The following PEX10 variants were observed in gnomAD, a reference collection of about 807,000 sequenced individuals.
The protein encoded by PEX10 is peroxisome biogenesis factor 10.
A neutral mutation model predicts 38.0 loss-of-function variants in PEX10; 32 were observed. That is an observed-to-expected ratio of 0.84 (90% CI 0.63 to 1.13). PEX10 has a LOEUF of 1.13. PEX10 is among the 50% of genes most tolerant of loss of function. PEX10 has a pLI of 0.00. For synonymous variants in PEX10, 206 were observed against 207.3 expected (o/e 0.99, Z 0.05); for missense variants, 483 against 457.7 (o/e 1.06, Z -0.51).
chr1:2,408,100 C>T (rs1456569784), intron 3 of PEX10, among the ~76,000 whole-genome samples: 1 of 152,126 alleles, frequency 6.6e-6, no homozygotes, highest in African/African-American at 2.4e-5. Flanking sequence ...TTCCCCACAG[C>T]AGTGACATAG....
At position 2,410,718 on chromosome 1, in the gene PEX10, CCT is replaced by C. The variant is rs1557912137; in HGVS notation, c.113-269_113-268del. 3.4e-5 allele frequency: 19 copies of C among 559,530 alleles called. No homozygotes were observed. The highest frequency in any genetic ancestry group is 3.0e-4 in the East Asian group (7 of 23,304). The allele number at this position is 559,530 out of a possible 1,614,324, so 34.7% of individuals were successfully genotyped here. A position where few individuals can be genotyped will look rare whatever the true frequency, so the allele number is the denominator to read the frequency against. ...ATTCCCCTGAGCAACTGTTCTAGGG[CCT>C]ATGAGGGCCACATGGAAAGATGGTC... On this transcript the variant is annotated intron_variant, in intron 1 of 5. Transcript: ENST00000447513. This position sits in a 1 kb window ranked among gnomAD's most constrained non-coding sequence, Gnocchi z 5.1.
At chr1:2,408,068 A>G (rs1643067781) in intron 3 of PEX10, among the ~76,000 whole-genome samples, 1 of 152,068 alleles carries the variant, frequency 6.6e-6, no homozygotes, top group Non-Finnish European at 1.5e-5. Flanking sequence ...ATGCTCCCAC[A>G]CTGTCTGGGA....
Position 2,406,875 on chromosome 1 carries a change from G to T in PEX10, c.621C>A (p.Pro207=). ...TAACACGGGCCCTCAGGTCCTCTCC[G>T]GGCAGGCTGCGGACACGGAGCTGTA... ...GITYLRVRSL[P]GEDLRARVSY... The change falls in exon 4 of 6, where the codon CCC becomes CCA. Residue 207 remains proline (P), a synonymous_variant. Transcript: ENST00000447513. 2 of 1,609,240 alleles carry T rather than the reference G, an allele frequency of 1.2e-6. No individual in the cohort carries two copies. The highest frequency in any genetic ancestry group is 1.7e-6 in the Non-Finnish European group (2 of 1,178,156).
At position 2,405,727 on chromosome 1, in the gene PEX10, G is replaced by A. The variant is rs372022952; in HGVS notation, c.*39C>T. Reference sequence around the variant, plus strand: ...ACTAAATCTTGGCGTTCAGACTCCCGTAGAGGTCATCTGTGTCCAGGCCCA... The same window carrying A: ...ACTAAATCTTGGCGTTCAGACTCCCATAGAGGTCATCTGTGTCCAGGCCCA... On this transcript the variant is annotated 3_prime_UTR_variant, in exon 6 of 6. Transcript: ENST00000447513. 25 of 1,540,530 alleles carry A rather than the reference G, an allele frequency of 1.6e-5. No homozygotes were observed. The South Asian group carries it at 1.9e-4, about 12-fold the overall frequency.
At chr1:2,408,934 G>A (rs1049298036) in intron 2 of PEX10, 76 bp from the exon 3 acceptor site, 14 of 1,448,198 alleles carry the variant, frequency 9.7e-6, no homozygotes, top group Middle Eastern at 1.8e-4. Context: ...CCTGCCAGCC[G>A]ACCCTCTGCT....
chr1:2,406,747 C>G lies in PEX10; in HGVS notation c.749G>C (p.Arg250Thr), dbSNP rs372509245. The G allele has an allele frequency of 6.2e-7, 1 of 1,609,482 alleles. No individual in the cohort carries two copies. Among genetic ancestry groups the G allele is most frequent in the Non-Finnish European group, 8.5e-7 (1 of 1,178,612 alleles). The change falls in exon 4 of 6, where the codon AGG becomes ACG. Residue 250 changes from arginine to threonine, a missense_variant. Transcript: ENST00000447513. ...RQRQRARKEW[R>T]LHRGLSHRRA... is the part of the protein sequence containing the mutation. ...GCGGTGAGACAGGCCGCGGTGCAGC[C>G]TCCACTCCTTCCTGGCTCGCTGCCG...
Position 2,409,384 on chromosome 1 carries a change from A to G in PEX10, c.194-526T>C, listed in dbSNP as rs1453648985. Among the ~76,000 whole-genome samples the G allele has an allele frequency of 6.6e-6, 1 of 151,656 alleles. No individual in the cohort carries two copies. Among genetic ancestry groups the G allele is most frequent in the African/African-American group, 2.4e-5 (1 of 41,246 alleles). On this transcript the variant is annotated intron_variant, in intron 2 of 5. Transcript: ENST00000447513. The surrounding 1 kb of genome is among the most constrained non-coding windows in gnomAD (Gnocchi z 6.2). ...CAGCTTTCAGCGCCCCCACCCAGAA[A>G]AGCCTGCTCCCCGTTTCCATCTCTG...
rs1643133629 is a variant in PEX10 at position 2,409,917 on chromosome 1, A to G, written c.193+454T>C. 5.2e-6 allele frequency: 1 copy of G among 193,604 alleles called. No individual in the cohort carries two copies. Among genetic ancestry groups the G allele is most frequent in the Non-Finnish European group, 1.1e-5 (1 of 92,940 alleles). 12.0% of individuals were successfully genotyped at this position (193,604 alleles called of 1,614,324 possible). A position where few individuals can be genotyped will look rare whatever the true frequency, so the allele number is the denominator to read the frequency against. On this transcript the variant is annotated intron_variant, in intron 2 of 5. Coordinates refer to ENST00000447513, the MANE Select transcript of PEX10 (RefSeq NM_002617.4). The surrounding 1 kb of genome is among the most constrained non-coding windows in gnomAD (Gnocchi z 6.2). ...GCCCCTCGTAGGGAACCAGGCTGGC[A>G]CTCGGTGGTCCTTGCTACATGCTGA...
At chr1:2,407,638 A>C (rs998359129) in intron 3 of PEX10, among the ~76,000 whole-genome samples, 1 of 152,104 alleles carries the variant, frequency 6.6e-6, no homozygotes, top group Non-Finnish European at 1.5e-5. Context: ...TCAAATACGC[A>C]AGTGAGGCTG....
chr1:2,406,214 G>A (rs1483590474), intron 5 of PEX10, among the ~76,000 whole-genome samples: 1 of 152,192 alleles, frequency 6.6e-6, no homozygotes, highest in Non-Finnish European at 1.5e-5. Flanking sequence ...AGGGTGTGCT[G>A]GGATGCGTGG....
rs1643103245 is a variant in PEX10, at chr1:2,409,017, CCTT to C, written c.194-162_194-160del. On this transcript the variant is annotated intron_variant, in intron 2 of 5. Transcript: ENST00000447513. The surrounding 1 kb of genome is among the most constrained non-coding windows in gnomAD (Gnocchi z 6.2). ...CCCGTGCTGGCTGAGGCCAACATGA[CCTT>C]CTGTCGCTAAGCCCACTGTGAGCTC... 6.6e-6 allele frequency among the ~76,000 whole-genome samples: 1 copy of C among 152,180 alleles called. No individual in the cohort carries two copies. The highest frequency in any genetic ancestry group is 1.5e-5 in the Non-Finnish European group (1 of 68,030).
chr1:2,408,413 A>G (rs2100427610), intron 3 of PEX10, 39 bp downstream of exon 3: 1 of 1,610,534 alleles, frequency 6.2e-7, no homozygotes, highest in Non-Finnish European at 8.5e-7. Context: ...GGTGACAAGG[A>G]CGGCCTAAGC....
chr1:2,409,305 C>T lies in PEX10; in HGVS notation c.194-447G>A, dbSNP rs1461435022. 6.6e-6 allele frequency among the ~76,000 whole-genome samples: 1 copy of T among 152,216 alleles called. No individual in the cohort carries two copies. Among genetic ancestry groups the T allele is most frequent in the Non-Finnish European group, 1.5e-5 (1 of 68,030 alleles). Reference sequence around the variant, plus strand: ...GCCAGCCATGCAGGTCCGCCACCTACCTGACATCGCCATGTATGCTCAGAT... The same window carrying T: ...GCCAGCCATGCAGGTCCGCCACCTATCTGACATCGCCATGTATGCTCAGAT... On this transcript the variant is annotated intron_variant, in intron 2 of 5. Coordinates refer to ENST00000447513, the MANE Select transcript of PEX10 (RefSeq NM_002617.4). This position sits in a 1 kb window ranked among gnomAD's most constrained non-coding sequence, Gnocchi z 6.2.
chr1:2,409,527 T>C lies in PEX10; in HGVS notation c.194-669A>G, dbSNP rs1643117367. 6.6e-6 allele frequency among the ~76,000 whole-genome samples: 1 copy of C among 152,274 alleles called. No individual in the cohort carries two copies. The highest frequency in any genetic ancestry group is 2.4e-5 in the African/African-American group (1 of 41,562). ...CCCCTGCTCTGTACCACCACCATCC[T>C]GTGGGGGACTGTCACAGCCTCTGTA... On this transcript the variant is annotated intron_variant, in intron 2 of 5. Transcript: ENST00000447513. This position sits in a 1 kb window ranked among gnomAD's most constrained non-coding sequence, Gnocchi z 6.2.
chr1:2,411,930 T>C (rs1333912840), intron 1 of PEX10, among the ~76,000 whole-genome samples: 1 of 152,244 alleles, frequency 6.6e-6, no homozygotes, highest in Non-Finnish European at 1.5e-5. Context: ...GGGCTGCTGC[T>C]CAGGCCTAGG....
chr1:2,411,230 CTTTTTTT>C (rs140273455), intron 1 of PEX10, among the ~76,000 whole-genome samples: 2,556 of 114,010 alleles, frequency 0.022, 26 homozygotes, highest in Non-Finnish European at 0.033. Context: ...ATGGCTTTGC[CTTTTTTT>C]TTTTTTTTTT....
Position 2,406,779 on chromosome 1 carries a change from G to A in PEX10, c.717C>T (p.Phe239=). ...VLSMGLQLYG[F]RQRQRARKEW... The stretch of plus-strand genomic sequence containing the variant: ...CCTTCCTGGCTCGCTGCCGCTGCCT[G>A]AAACCGTACAGCTGCAGCCCCATGG... The change falls in exon 4 of 6, where the codon TTC becomes TTT. Residue 239 remains phenylalanine (F), a synonymous_variant. Coordinates refer to ENST00000447513, the MANE Select transcript of PEX10 (RefSeq NM_002617.4). 1.9e-6 allele frequency: 3 copies of A among 1,610,544 alleles called. No individual in the cohort carries two copies. Among genetic ancestry groups the A allele is most frequent in the Non-Finnish European group, 2.5e-6 (3 of 1,178,968 alleles).
Position 2,405,774 on chromosome 1 carries a change from A to C in PEX10, c.973T>G (p.Tyr325Asp). Residue 325 changes from tyrosine (Y) to aspartate (D), a missense_variant, in exon 6 of 6, where the codon TAC becomes GAC. Transcript: ENST00000447513. Reference sequence around the variant, plus strand: ...CCCACCCGGGCGCCGGCTCAGCGGTAGTGCCGAAGGTAGATGAGCTTCTGG... The same window carrying C: ...CCCACCCGGGCGCCGGCTCAGCGGTCGTGCCGAAGGTAGATGAGCTTCTGG... The part of the protein sequence containing the change: ...PPQKLIYLRH[Y>D]R 1 of 1,602,772 alleles carries C rather than the reference A, an allele frequency of 6.2e-7. No homozygotes were observed.
At position 2,406,870 on chromosome 1, in the gene PEX10, T is replaced by C; in HGVS notation, c.626A>G (p.Glu209Gly). ...GTAGCTAACACGGGCCCTCAGGTCC[T>C]CTCCGGGCAGGCTGCGGACACGGAG... is the stretch of plus-strand genomic sequence containing the variant. ...TYLRVRSLPG[E>G]DLRARVSYRL... The change falls in exon 4 of 6, where the codon GAG (glutamate) becomes GGG (glycine). Residue 209 changes from glutamate to glycine, a missense_variant. By Grantham distance (98) the Glu-to-Gly change is moderately conservative. Coordinates refer to ENST00000447513, the MANE Select transcript of PEX10 (RefSeq NM_002617.4). The C allele has an allele frequency of 6.2e-7, 1 of 1,609,442 alleles. No homozygotes were observed. Among genetic ancestry groups the C allele is most frequent in the Non-Finnish European group, 8.5e-7 (1 of 1,178,246 alleles).
Sources: allele counts gnomAD v4.1 joint callset (sites outside exome capture counted in the v4.1 genomes callset), GRCh38; gene constraint gnomAD v4.1.1; non-coding constraint Gnocchi (gnomAD v3.1); transcripts MANE v1.5; gene names NCBI Gene and HGNC (gene_info 2026-07-23, HGNC 2026-07-21).